CNTNAP4: variants seen among roughly 807,000 people sequenced by gnomAD.
The protein encoded by CNTNAP4 is contactin-associated protein-like 4.
A neutral mutation model predicts 148.4 loss-of-function variants in CNTNAP4; 98 were observed. The observed-to-expected ratio is 0.66, with a 90% CI of 0.56 to 0.78. CNTNAP4 has a LOEUF of 0.78. Ranked by LOEUF, CNTNAP4 falls within the 30% of genes least tolerant of loss-of-function variation. CNTNAP4 has a pLI of 0.00. For missense variants in CNTNAP4, 1,935 were observed against 1,565.6 expected, an observed-to-expected ratio of 1.24 and a Z score of -3.98; for synonymous variants, 730 against 565.1, an observed-to-expected ratio of 1.29 and a Z score of -4.14.
intron 15 of CNTNAP4, among the ~76,000 whole-genome samples, chr16:76,509,524 G>A (rs1365352380): frequency 1.0e-5 from 1 of 97,424 alleles, no homozygotes; most frequent in African/African-American, 2.6e-5. Flanking sequence ...TATATCTAAC[G>A]AAGTATATTC....
rs114272941 is a variant in CNTNAP4 at position 76,310,290 on chromosome 16, A to G, written c.86-6123A>G. ...TAGCCCAGACTGGGTTTATGGTTAC[A>G]GTACAATGTCATTGTCAAAATTTCT... On this transcript the variant is annotated intron_variant, in intron 1 of 23. Coordinates refer to ENST00000611870, the MANE Select transcript of CNTNAP4 (RefSeq NM_033401.5). Among the ~76,000 whole-genome samples the G allele has an allele frequency of 6.2e-3, 938 of 152,332 alleles. 3 individuals are homozygous for G. The highest frequency in any genetic ancestry group is 0.021 in the African/African-American group (869 of 41,574).
intron 1 of CNTNAP4, among the ~76,000 whole-genome samples, chr16:76,296,508 A>G (rs1394582353): frequency 1.3e-5 from 2 of 152,232 alleles, no homozygotes; most frequent in African/African-American, 2.4e-5. Context: ...TTAAAATTTT[A>G]TAATGTGTTC....
intron 4 of CNTNAP4, among the ~76,000 whole-genome samples, chr16:76,441,326 T>C (rs1002008179): frequency 1.3e-5 from 2 of 152,170 alleles, no homozygotes; most frequent in African/African-American, 4.8e-5. Flanking sequence ...ATTTCAAGAA[T>C]ACTACATCTG....
chr16:76,480,463 T>C (rs1380660427), intron 12 of CNTNAP4, among the ~76,000 whole-genome samples: 2 of 152,024 alleles, frequency 1.3e-5, no homozygotes. Flanking sequence ...AATGGAGAAA[T>C]ATAAAATGTT....
chr16:76,455,400 A>G (rs927082634), intron 8 of CNTNAP4, among the ~76,000 whole-genome samples: 2 of 152,154 alleles, frequency 1.3e-5, no homozygotes, highest in Admixed American at 6.5e-5. Context: ...GCATTTTTCT[A>G]TTACTAAGCA....
chr16:76,392,773 G>C (rs559559858), intron 3 of CNTNAP4, among the ~76,000 whole-genome samples: 16 of 152,304 alleles, frequency 1.1e-4, no homozygotes, highest in African/African-American at 3.8e-4. Flanking sequence ...GATTTTTAAA[G>C]CTTGAACATG....
intron 3 of CNTNAP4, among the ~76,000 whole-genome samples, chr16:76,368,802 C>T (rs1213765579): frequency 1.3e-5 from 2 of 151,956 alleles, no homozygotes; most frequent in African/African-American, 4.8e-5. Context: ...GCACGTGTAT[C>T]CCAGAACTTA....
chr16:76,524,967 A>T (rs997791875), intron 17 of CNTNAP4, among the ~76,000 whole-genome samples: 22 of 152,014 alleles, frequency 1.4e-4, no homozygotes, highest in Admixed American at 6.6e-5. Flanking sequence ...AAGGGCTCAT[A>T]AAAAAGAAAA....
chr16:76,442,073 T>C (rs2080065731), intron 4 of CNTNAP4, among the ~76,000 whole-genome samples: 1 of 152,092 alleles, frequency 6.6e-6, no homozygotes, highest in Non-Finnish European at 1.5e-5. Flanking sequence ...TTAGGGATCT[T>C]ACAATGGGGA....
rs372298277 is a variant in CNTNAP4, at chr16:76,355,531, A to G, written c.390+20A>G. 4 of 1,561,666 alleles carry G rather than the reference A, an allele frequency of 2.6e-6. No individual in the cohort carries two copies. Among genetic ancestry groups the G allele is most frequent in the Admixed American group, 1.9e-5 (1 of 52,394 alleles). ...ATCTGGGTATGTTCTTTAACAAAAG[A>G]CATAGTCTCTCGGGGAAAAAGTATA... On this transcript the variant is annotated intron_variant, in intron 3 of 23. Coordinates refer to ENST00000611870, the MANE Select transcript of CNTNAP4 (RefSeq NM_033401.5).
At chr16:76,437,981 C>G (rs1304390583) in intron 4 of CNTNAP4, among the ~76,000 whole-genome samples, 1 of 152,026 alleles carries the variant, frequency 6.6e-6, no homozygotes, top group East Asian at 1.9e-4. Flanking sequence ...CTTCAGAGTT[C>G]TGAAGTTTAA....
chr16:76,540,827 A>T, intron 21 of CNTNAP4, 37 bp downstream of exon 21: 1 of 1,379,800 alleles, frequency 7.2e-7, no homozygotes. Context: ...TAACCATGCT[A>T]ATCATGATAC....
At chr16:76,371,569 G>GCCAC (rs1201166979) in intron 3 of CNTNAP4, among the ~76,000 whole-genome samples, 1 of 152,166 alleles carries the variant, frequency 6.6e-6, no homozygotes, top group Non-Finnish European at 1.5e-5. Flanking sequence ...ACAGGCATGA[G>GCCAC]CCACCACACC....
At chr16:76,433,305 G>T (rs2079681833) in intron 4 of CNTNAP4, among the ~76,000 whole-genome samples, 1 of 152,144 alleles carries the variant, frequency 6.6e-6, no homozygotes, top group South Asian at 2.1e-4. Flanking sequence ...AACTGAGGGA[G>T]AAGATTGGAC....
chr16:76,358,872 A>C lies in CNTNAP4; in HGVS notation c.390+3361A>C, dbSNP rs1222452674. Among the ~76,000 whole-genome samples, 3 of 151,976 alleles carry C rather than the reference A, an allele frequency of 2.0e-5. No individual in the cohort carries two copies. In the East Asian group the frequency reaches 5.8e-4, roughly 29 times the overall value. On this transcript the variant is annotated intron_variant, in intron 3 of 23. Coordinates refer to ENST00000611870, the MANE Select transcript of CNTNAP4 (RefSeq NM_033401.5). ...TGTATATATATATATGTATGTGTAT[A>C]TGTATGTGTGTGTATATATATGTAT...
intron 4 of CNTNAP4, among the ~76,000 whole-genome samples, chr16:76,434,510 A>T (rs1443562244): frequency 2.0e-5 from 3 of 152,332 alleles, no homozygotes; most frequent in Non-Finnish European, 1.5e-5. Flanking sequence ...TTAAGCTTAC[A>T]ATAATCCGCT....
intron 3 of CNTNAP4, among the ~76,000 whole-genome samples, chr16:76,379,677 C>T (rs2015770603): frequency 6.6e-6 from 1 of 152,182 alleles, no homozygotes; most frequent in African/African-American, 2.4e-5. Context: ...CAAGCTGTGA[C>T]ACTATCTTTT....
chr16:76,309,860 C>G (rs951736272), intron 1 of CNTNAP4: 2 of 701,320 alleles, frequency 2.9e-6, no homozygotes, highest in South Asian at 1.5e-5. Context: ...TCCTCATTTT[C>G]TCTTGCAGCC....
intron 12 of CNTNAP4, among the ~76,000 whole-genome samples, chr16:76,479,879 G>A (rs577987429): frequency 1.1e-4 from 16 of 152,096 alleles, no homozygotes; most frequent in South Asian, 4.2e-4. Context: ...TAAAGTTTAC[G>A]TCTTCTTGTA....
Sources: allele counts gnomAD v4.1 joint callset (sites outside exome capture counted in the v4.1 genomes callset), GRCh38; gene constraint gnomAD v4.1.1; transcripts MANE v1.5; gene names NCBI Gene and HGNC (gene_info 2026-07-23, HGNC 2026-07-21).